ZIM2: variants seen among roughly 807,000 people sequenced by gnomAD.
The protein encoded by ZIM2 is zinc finger imprinted 2, also known as zinc finger protein 656.
In ZIM2, 14 loss-of-function variants were observed where a neutral mutation model predicts 38.6. The observed-to-expected ratio is 0.36, with a 90% CI of 0.24 to 0.57. The LOEUF (loss-of-function observed/expected upper bound fraction) is 0.57. ZIM2 is among the 20% of genes least tolerant of loss of function. The pLI is 0.81. For missense variants in ZIM2, 680 were observed against 695.1 expected, an observed-to-expected ratio of 0.98 and a Z score of 0.24; for synonymous variants, 247 against 245.8, an observed-to-expected ratio of 1.00 and a Z score of -0.04.
intron 9 of ZIM2, chr19:56,810,298 ATATATGTAG>A: frequency 1.0e-6 from 1 of 982,282 alleles, no homozygotes; most frequent in South Asian, 4.7e-5. Flanking sequence ...TATAATGGAA[ATATATGTAG>A]TAAAGGTGGA....
intron 9 of ZIM2, chr19:56,813,747 T>C: frequency 6.2e-7 from 1 of 1,614,126 alleles, no homozygotes; most frequent in Non-Finnish European, 8.5e-7. Context: ...AGACGTCACA[T>C]TTGAAGTACT....
At chr19:56,819,955 A>G (rs189029805) in intron 7 of ZIM2, among the ~76,000 whole-genome samples, 70 of 152,352 alleles carry the variant, frequency 4.6e-4, no homozygotes, top group African/African-American at 1.6e-3. Flanking sequence ...TCCTGCCACA[A>G]AAAAGCAGAA....
intron 9 of ZIM2, chr19:56,812,336 A>G: frequency 1.0e-6 from 1 of 983,142 alleles, no homozygotes; most frequent in Non-Finnish European, 1.2e-6. Context: ...GAGAGCTGAA[A>G]AAGAAGGAAC....
intron 10 of ZIM2, among the ~76,000 whole-genome samples, chr19:56,788,543 G>A (rs145343197): frequency 0.016 from 2,497 of 152,168 alleles, 79 homozygotes; most frequent in African/African-American, 0.057. Flanking sequence ...TTCCCTTTGT[G>A]GGTAACCCGA....
In ZIM2 at chr19:56,782,135, A is replaced by G; in HGVS notation, c.571-14T>C. On this transcript the variant is annotated splice_polypyrimidine_tract_variant and intron_variant, in intron 10 of 12. Coordinates refer to ENST00000629319, the MANE Select transcript of ZIM2 (RefSeq NM_001387356.1). ...GAAGTCCGGGAACTATCCCAGAGAGAGGAGAAGGGACGTGATTAGAGAGGA... is the reference window on the plus strand; with the variant it reads ...GAAGTCCGGGAACTATCCCAGAGAGGGGAGAAGGGACGTGATTAGAGAGGA... The G allele has an allele frequency of 6.2e-7, 1 of 1,611,950 alleles. No homozygotes were observed.
At chr19:56,815,076 G>A (rs2059847299) in intron 9 of ZIM2, 3 of 1,613,790 alleles carry the variant, frequency 1.9e-6, no homozygotes, top group Non-Finnish European at 2.5e-6. Context: ...GATGGTCTGT[G>A]AGGTCTGTGA....
At chr19:56,781,532 C>A (rs1225805782) in intron 11 of ZIM2, among the ~76,000 whole-genome samples, 1 of 152,122 alleles carries the variant, frequency 6.6e-6, no homozygotes, top group Non-Finnish European at 1.5e-5. Context: ...GTGGAGCAAA[C>A]CCCTGTCTGG....
At chr19:56,788,143 G>C (rs1027192112) in intron 10 of ZIM2, among the ~76,000 whole-genome samples, 6 of 150,336 alleles carry the variant, frequency 4.0e-5, no homozygotes, top group African/African-American at 1.5e-4. Flanking sequence ...CTTGTCTTCT[G>C]TTAACTTTTG....
chr19:56,832,899 G>C (rs1375691508), intron 2 of ZIM2, among the ~76,000 whole-genome samples: 2 of 152,198 alleles, frequency 1.3e-5, no homozygotes, highest in African/African-American at 2.4e-5. Context: ...CCATTCTTTG[G>C]ATATTTTATG....
intron 9 of ZIM2, among the ~76,000 whole-genome samples, chr19:56,801,678 G>A (rs2047531835): frequency 6.6e-6 from 1 of 152,116 alleles, no homozygotes; most frequent in Admixed American, 6.5e-5. Context: ...AAAGGGCAAG[G>A]GAGGAAGTGG....
chr19:56,788,601 G>T (rs2046756980), intron 10 of ZIM2, among the ~76,000 whole-genome samples: 1 of 152,002 alleles, frequency 6.6e-6, no homozygotes, highest in Admixed American at 6.6e-5. Flanking sequence ...TTTTAACCTT[G>T]GTGAATCTGA....
chr19:56,814,849 T>C lies in ZIM2; in HGVS notation c.490+2897A>G, dbSNP rs2059824730. 8 of 1,614,136 alleles carry C rather than the reference T, an allele frequency of 5.0e-6. No homozygotes were observed. The highest frequency in any genetic ancestry group is 6.8e-6 in the Non-Finnish European group (8 of 1,180,032). The stretch of plus-strand genomic sequence containing the variant: ...CATGGGCAAGAGGGCAATAAAACCA[T>C]CATCACACCCCTTCATGGAATACAA... On this transcript the variant is annotated intron_variant, in intron 9 of 12. Coordinates refer to ENST00000629319, the MANE Select transcript of ZIM2 (RefSeq NM_001387356.1). This position sits in a 1 kb window ranked among gnomAD's most constrained non-coding sequence, Gnocchi z 5.8.
intron 12 of ZIM2, among the ~76,000 whole-genome samples, chr19:56,776,861 G>C (rs2046039018): frequency 6.6e-6 from 1 of 152,126 alleles, no homozygotes; most frequent in East Asian, 1.9e-4. Context: ...AACAGCCTGA[G>C]TTAAGCTATA....
intron 10 of ZIM2, among the ~76,000 whole-genome samples, chr19:56,789,469 C>T (rs1483107163): frequency 6.6e-6 from 1 of 152,060 alleles, no homozygotes; most frequent in Non-Finnish European, 1.5e-5. Flanking sequence ...CTTTCTGCCT[C>T]CACTCCCTCA....
At chr19:56,775,593 T>C (rs1440564466) in intron 12 of ZIM2, 64 bp from the exon 13 acceptor site, 9 of 1,521,990 alleles carry the variant, frequency 5.9e-6, no homozygotes, top group Non-Finnish European at 7.9e-6. Flanking sequence ...CCAATAATGA[T>C]ATTTCTATAG....
In ZIM2 at chr19:56,781,968, T is replaced by G; in HGVS notation, c.724A>C (p.Asn242His). 1 of 1,613,570 alleles carries G rather than the reference T, an allele frequency of 6.2e-7. No homozygotes were observed. The highest frequency in any genetic ancestry group is 8.5e-7 in the Non-Finnish European group (1 of 1,179,682). Residue 242 changes from asparagine to histidine, a missense_variant, in exon 11 of 13, where the codon AAC (asparagine) becomes CAC (histidine). Physicochemically the swap from Asn to His is moderately conservative, Grantham distance 68. Coordinates refer to ENST00000629319, the MANE Select transcript of ZIM2 (RefSeq NM_001387356.1). ...GCATACTTACCCAGGGAGACCAGGT[T>G]CCGGTAATTCTCCAGCATCACCTCC... ...YREVMLENYR[N>H]LVSLGHQFSK... is the part of the protein sequence containing the mutation.
At chr19:56,822,720 C>T in intron 6 of ZIM2, 33 bp downstream of exon 6, 2 of 1,611,422 alleles carry the variant, frequency 1.2e-6, no homozygotes, top group Non-Finnish European at 1.7e-6. Flanking sequence ...TGCTCTATAT[C>T]TCCTACTGGG....
intron 10 of ZIM2, among the ~76,000 whole-genome samples, chr19:56,786,993 C>T (rs1401449117): frequency 6.6e-6 from 1 of 152,014 alleles, no homozygotes; most frequent in Non-Finnish European, 1.5e-5. Context: ...TGTGTCACCA[C>T]GCCCAGCTAA....
chr19:56,824,341 C>A lies in ZIM2; in HGVS notation c.-64G>T, dbSNP rs1227589813. 1 of 1,613,900 alleles carries A rather than the reference C, an allele frequency of 6.2e-7. No homozygotes were observed. Reference sequence around the variant, plus strand: ...AGTTCTCCGGCTTTTTTGCTCGCACCCAAGGCTTGAGCTTTTCAGGGATGA... The same window carrying A: ...AGTTCTCCGGCTTTTTTGCTCGCACACAAGGCTTGAGCTTTTCAGGGATGA... On this transcript the variant is annotated 5_prime_UTR_variant, in exon 4 of 13. Coordinates refer to ENST00000629319, the MANE Select transcript of ZIM2 (RefSeq NM_001387356.1).
Sources: allele counts gnomAD v4.1 joint callset (sites outside exome capture counted in the v4.1 genomes callset), GRCh38; gene constraint gnomAD v4.1.1; non-coding constraint Gnocchi (gnomAD v3.1); transcripts MANE v1.5; gene names NCBI Gene and HGNC (gene_info 2026-07-23, HGNC 2026-07-21).